DPYD: variants seen among roughly 807,000 people sequenced by gnomAD.
DPYD encodes dihydropyrimidine dehydrogenase.
Under a neutral mutation model 116.2 loss-of-function variants are expected in DPYD, and 109 were observed. The observed-to-expected ratio is 0.94, with a 90% confidence interval of 0.80 to 1.10. The LOEUF is 1.10. Among genes scored for constraint, DPYD ranks in the 50% least tolerant of loss-of-function variants. The pLI, the probability that DPYD is intolerant of heterozygous loss-of-function variation, is 0.00. For missense variants in DPYD, 1,302 were observed against 1,254.5 expected (o/e 1.04, Z -0.57); for synonymous variants, 440 against 432.0 (o/e 1.02, Z -0.23).
chr1:97,346,562 A>C (rs1485732143), intron 16 of DPYD, among the ~76,000 whole-genome samples: 2 of 151,834 alleles, frequency 1.3e-5, no homozygotes, highest in Non-Finnish European at 2.9e-5. Flanking sequence ...ATCCTTATAG[A>C]TTATAAGGTC....
chr1:97,827,266 A>C lies in DPYD; in HGVS notation c.233+848T>G, dbSNP rs1283276298. 2.0e-5 allele frequency among the ~76,000 whole-genome samples: 3 copies of C among 152,236 alleles called. No individual in the cohort carries two copies. In the East Asian group the frequency reaches 5.8e-4, roughly 29 times the overall value. On this transcript the variant is annotated intron_variant, in intron 3 of 22. Transcript: ENST00000370192. ...GAAAAATGAGCATTAAGATAGAAGA[A>C]GGCGTATTTTAAAAACATATTTTAA...
At chr1:97,780,869 C>G (rs765949015) in intron 3 of DPYD, among the ~76,000 whole-genome samples, 3 of 152,148 alleles carry the variant, frequency 2.0e-5, no homozygotes, top group Non-Finnish European at 2.9e-5. Flanking sequence ...ATGCTTGATA[C>G]TATTTCAGAT....
chr1:97,681,406 G>A (rs1660419843), intron 7 of DPYD, among the ~76,000 whole-genome samples: 1 of 152,028 alleles, frequency 6.6e-6, no homozygotes, highest in South Asian at 2.1e-4. Flanking sequence ...GACTGGAACT[G>A]GATCATAGAG....
intron 8 of DPYD, among the ~76,000 whole-genome samples, chr1:97,617,948 TCA>T (rs1332581229): frequency 6.6e-6 from 1 of 152,198 alleles, no homozygotes; most frequent in Non-Finnish European, 1.5e-5. Flanking sequence ...TAAAACTCTC[TCA>T]GTTTGCCACT....
intron 8 of DPYD, among the ~76,000 whole-genome samples, chr1:97,654,401 T>C (rs1282398252): frequency 2.0e-5 from 3 of 152,100 alleles, no homozygotes; most frequent in Non-Finnish European, 2.9e-5. Flanking sequence ...ATATAAAGAT[T>C]TACTGACCAA....
chr1:97,540,359 G>GAACAAAACAAAACAA (rs775739257), intron 12 of DPYD, among the ~76,000 whole-genome samples: 3 of 142,808 alleles, frequency 2.1e-5, no homozygotes, highest in East Asian at 2.0e-4. Context: ...GCGGGGCAGG[G>GAACAAAACAAAACAA]AACAAAACAA....
At chr1:97,264,965 T>C (rs939965301) in intron 18 of DPYD, among the ~76,000 whole-genome samples, 1 of 151,384 alleles carries the variant, frequency 6.6e-6, no homozygotes, top group Non-Finnish European at 1.5e-5. Context: ...GACAAAACTT[T>C]ATAGTTTTCA....
rs76372217 is a variant in DPYD, at chr1:97,326,115, A to C, written c.2059-19818T>G. ...AGTGAAAATCAATAATTTCAAGTGG[A>C]CTAGGATGTTATTTTAAAGATGAAT... On this transcript the variant is annotated intron_variant, in intron 16 of 22. Transcript: ENST00000370192. Among the ~76,000 whole-genome samples, 702 of 151,986 alleles carry C rather than the reference A, an allele frequency of 4.6e-3. 10 individuals are homozygous for C. The highest frequency in any genetic ancestry group is 0.016 in the African/African-American group (653 of 41,520).
chr1:97,508,463 C>A (rs938804666), intron 13 of DPYD, among the ~76,000 whole-genome samples: 1 of 151,904 alleles, frequency 6.6e-6, no homozygotes, highest in African/African-American at 2.4e-5. Context: ...GCTGTTAAAT[C>A]AAAATGCTCT....
intron 5 of DPYD, among the ~76,000 whole-genome samples, chr1:97,699,772 T>C (rs935259883): frequency 6.6e-6 from 1 of 151,934 alleles, no homozygotes; most frequent in Non-Finnish European, 1.5e-5. Context: ...GAAACACTCA[T>C]GGGGCACATT....
chr1:97,585,489 C>T (rs1018925766), intron 10 of DPYD, among the ~76,000 whole-genome samples: 1 of 151,836 alleles, frequency 6.6e-6, no homozygotes, highest in African/African-American at 2.4e-5. Flanking sequence ...ATATGTTTAT[C>T]TTTTTGAAAG....
intron 18 of DPYD, among the ~76,000 whole-genome samples, chr1:97,246,061 A>T (rs1422778895): frequency 6.6e-6 from 1 of 152,100 alleles, no homozygotes; most frequent in African/African-American, 2.4e-5. Context: ...GGACAAGGAC[A>T]TCTCTACCTG....
chr1:97,816,187 C>G (rs1022502781), intron 3 of DPYD, among the ~76,000 whole-genome samples: 1 of 151,710 alleles, frequency 6.6e-6, no homozygotes, highest in Non-Finnish European at 1.5e-5. Context: ...GGTACTCACA[C>G]CTTAGCCTCC....
chr1:97,745,053 C>T (rs74105299), intron 3 of DPYD, among the ~76,000 whole-genome samples: 11,127 of 152,018 alleles, frequency 0.073, 449 homozygotes, highest in Middle Eastern at 0.1. Context: ...AATTATCTGC[C>T]TATTTATACC....
chr1:97,323,356 G>A (rs1668449514), intron 16 of DPYD, among the ~76,000 whole-genome samples: 1 of 118,132 alleles, frequency 8.5e-6, no homozygotes, highest in Non-Finnish European at 1.8e-5. Flanking sequence ...ATGTGTATAT[G>A]TACACGTATG....
intron 3 of DPYD, among the ~76,000 whole-genome samples, chr1:97,780,416 T>G (rs1666675786): frequency 6.6e-6 from 1 of 152,218 alleles, no homozygotes; most frequent in South Asian, 2.1e-4. Flanking sequence ...CAATAAATTT[T>G]TTAAAAAGTC....
At chr1:97,149,567 T>G (rs1460009349) in intron 20 of DPYD, among the ~76,000 whole-genome samples, 1 of 152,196 alleles carries the variant, frequency 6.6e-6, no homozygotes, top group African/African-American at 2.4e-5. Context: ...ACTTTTGTCT[T>G]TCTCCAGTGT....
intron 12 of DPYD, among the ~76,000 whole-genome samples, chr1:97,530,214 C>CTTT (rs57740723): frequency 6.3e-4 from 71 of 112,694 alleles, no homozygotes; most frequent in South Asian, 8.8e-4. Flanking sequence ...CTTTTTTTTT[C>CTTT]TTTTTTTTTT....
chr1:97,360,160 T>C (rs999537419), intron 16 of DPYD, among the ~76,000 whole-genome samples: 11 of 152,048 alleles, frequency 7.2e-5, no homozygotes, highest in African/African-American at 2.7e-4. Context: ...GCAATAATAG[T>C]ACCTGATAAA....
Sources: gnomAD v4.1 joint callset for allele counts (sites outside exome capture counted in the v4.1 genomes callset) on GRCh38, gnomAD v4.1.1 for gene constraint, MANE v1.5 for transcripts, NCBI Gene and HGNC (gene_info 2026-07-23, HGNC 2026-07-21) for gene names.